Variants in LAMA3 observed in about 807,000 individuals in gnomAD.
LAMA3 encodes the protein laminin subunit alpha-3.
Under a neutral mutation model 402.0 loss-of-function variants are expected in LAMA3, and 281 were observed. The observed-to-expected ratio is 0.70, with a 90% CI of 0.63 to 0.77. The LOEUF (loss-of-function observed/expected upper bound fraction) is 0.77, where lower values mean the gene tolerates loss of function less well. Ranked by LOEUF, LAMA3 falls within the 30% of genes least tolerant of loss-of-function variation. LAMA3 has a pLI of 0.00. For synonymous variants in LAMA3, 1,431 were observed against 1,558.4 expected, an observed-to-expected ratio of 0.92 and a Z score of 1.93; for missense variants, 3,840 against 4,215.5, an observed-to-expected ratio of 0.91 and a Z score of 2.47.
At chr18:23,794,011 G>A (rs546628240) in intron 12 of LAMA3, among the ~76,000 whole-genome samples, 2 of 152,258 alleles carry the variant, frequency 1.3e-5, no homozygotes, top group South Asian at 4.1e-4. Context: ...CAAAGATACA[G>A]ATGAAGATAC....
At chr18:23,690,782 T>A (rs2060570848) in intron 1 of LAMA3, among the ~76,000 whole-genome samples, 1 of 151,372 alleles carries the variant, frequency 6.6e-6, no homozygotes, top group Non-Finnish European at 1.5e-5. Context: ...GGCAATTTTT[T>A]TTTTTTTTTT....
At chr18:23,775,765 T>A (rs375378464) in intron 9 of LAMA3, 27 bp from the exon 10 acceptor site, 183 of 1,613,824 alleles carry the variant, frequency 1.1e-4, no homozygotes, top group Admixed American at 3.3e-5. Flanking sequence ...GAAGGACGGA[T>A]CCTTTGAAAA....
At chr18:23,807,728 CATG>C (rs1255544172) in intron 12 of LAMA3, among the ~76,000 whole-genome samples, 2 of 152,168 alleles carry the variant, frequency 1.3e-5, no homozygotes, top group Admixed American at 6.5e-5. Flanking sequence ...GGACCACTCA[CATG>C]ATGGAAGATA....
At position 23,725,226 on chromosome 18, in the gene LAMA3, A is replaced by G. The variant is rs555569308; in HGVS notation, c.447+11154A>G. Among the ~76,000 whole-genome samples, 18 of 151,912 alleles carry G rather than the reference A, an allele frequency of 1.2e-4. No homozygotes were observed. The South Asian group carries it at 3.8e-3, about 32-fold the overall frequency. On this transcript the variant is annotated intron_variant, in intron 2 of 74. Coordinates refer to ENST00000313654, the MANE Select transcript of LAMA3 (RefSeq NM_198129.4). ...CCAGGTTCCAGTGATTCTCCTGCCAAAGCCTCCTGAGTAGCTAGGATTATA... is the reference window on the plus strand; with the variant it reads ...CCAGGTTCCAGTGATTCTCCTGCCAGAGCCTCCTGAGTAGCTAGGATTATA...
rs781633946 is a variant in LAMA3, at chr18:23,890,126, G to A, written c.5410+9G>A. The A allele has an allele frequency of 1.8e-5, 28 of 1,552,924 alleles. No homozygotes were observed. Among genetic ancestry groups the A allele is most frequent in the South Asian group, 1.3e-4 (12 of 89,934 alleles). On this transcript the variant is annotated intron_variant, in intron 42 of 74. Coordinates refer to ENST00000313654, the MANE Select transcript of LAMA3 (RefSeq NM_198129.4). The stretch of plus-strand genomic sequence containing the variant: ...TCATCCCCTGACTGGAGGTAAGGCC[G>A]ACCCACACCCCTGCTAACTTGCATT...
intron 2 of LAMA3, among the ~76,000 whole-genome samples, chr18:23,740,515 C>A (rs893053259): frequency 2.0e-5 from 3 of 151,970 alleles, no homozygotes; most frequent in Non-Finnish European, 2.9e-5. Flanking sequence ...TTCTCAGGCT[C>A]CTGTGGTTCT....
At chr18:23,756,838 C>G (rs1006272839) in intron 6 of LAMA3, among the ~76,000 whole-genome samples, 5 of 152,086 alleles carry the variant, frequency 3.3e-5, no homozygotes, top group African/African-American at 7.2e-5. Context: ...TGCACCCAGT[C>G]CTTCCCCAAC....
rs1453306817 is a variant in LAMA3, at chr18:23,723,803, A to G, written c.447+9731A>G. Among the ~76,000 whole-genome samples the G allele has an allele frequency of 2.6e-5, 4 of 152,306 alleles. No homozygotes were observed. The East Asian group carries it at 7.7e-4, about 29-fold the overall frequency. The stretch of plus-strand genomic sequence containing the variant: ...TCTTGTGAGAAATTAATCAGATAAT[A>G]CAGAAAAAGCTCTCAGAATAGTGCC... On this transcript the variant is annotated intron_variant, in intron 2 of 74. Transcript: ENST00000313654.
chr18:23,944,691 C>A lies in LAMA3; in HGVS notation c.9210+720C>A, dbSNP rs530316866. ...AAGAGGGAAGAGCAAATAACAAGGA[C>A]CTGGAGGTGGGAATTAGCTGAATGA... On this transcript the variant is annotated intron_variant, in intron 69 of 74. Transcript: ENST00000313654. Among the ~76,000 whole-genome samples the A allele has an allele frequency of 7.9e-5, 12 of 152,154 alleles. No individual in the cohort carries two copies. The South Asian group carries it at 2.1e-3, about 26-fold the overall frequency.
Position 23,876,365 on chromosome 18 carries a change from C to T in LAMA3, c.5070C>T (p.Asn1690=), listed in dbSNP as rs761464851. 9.3e-6 allele frequency: 15 copies of T among 1,613,786 alleles called. No individual in the cohort carries two copies. Among genetic ancestry groups the T allele is most frequent in the East Asian group, 6.7e-5 (3 of 44,900 alleles). The stretch of plus-strand genomic sequence containing the variant: ...GACGGTGTGTTCCCTGCAATTGCAA[C>T]GGACATTCAAATCAATGCCAGGATG... ...YTGRCVPCNC[N]GHSNQCQDGS... Residue 1690 remains asparagine, a synonymous_variant, in exon 39 of 75, where the codon AAC becomes AAT. Coordinates refer to ENST00000313654, the MANE Select transcript of LAMA3 (RefSeq NM_198129.4).
At chr18:23,949,964 A>T (rs1355131604) in intron 71 of LAMA3, 40 bp downstream of exon 71, 1 of 1,613,996 alleles carries the variant, frequency 6.2e-7, no homozygotes. Flanking sequence ...TTTGCATCTT[A>T]AGAACTGTAT....
At chr18:23,699,024 T>TAGAG (rs34691495) in intron 1 of LAMA3, among the ~76,000 whole-genome samples, 2,368 of 142,526 alleles carry the variant, frequency 0.017, 53 homozygotes, top group African/African-American at 0.05. Context: ...GGCGGGCAGA[T>TAGAG]AGAGAGAGAG....
chr18:23,880,807 G>A (rs1162194796), intron 39 of LAMA3, among the ~76,000 whole-genome samples: 3 of 152,130 alleles, frequency 2.0e-5, no homozygotes, highest in Non-Finnish European at 4.4e-5. Flanking sequence ...AACCCAGGAG[G>A]CAGAGGTTGC....
intron 54 of LAMA3, 65 bp from the exon 55 acceptor site, chr18:23,909,088 A>G: frequency 6.8e-7 from 1 of 1,480,324 alleles, no homozygotes; most frequent in Non-Finnish European, 9.4e-7. Flanking sequence ...TGTCAGTAAG[A>G]ACATTTGTAG....
At chr18:23,942,815 T>TA (rs1208292931) in intron 68 of LAMA3, among the ~76,000 whole-genome samples, 2 of 152,172 alleles carry the variant, frequency 1.3e-5, no homozygotes, top group African/African-American at 4.8e-5. Context: ...TGACCTCAGG[T>TA]GATCCACCCA....
At chr18:23,775,682 C>T (rs1247335418) in intron 9 of LAMA3, 110 bp from the exon 10 acceptor site, 61 of 1,246,312 alleles carry the variant, frequency 4.9e-5, no homozygotes, top group Non-Finnish European at 6.8e-5. Context: ...TTCAAGAATA[C>T]CTATAGACCA....
At chr18:23,889,873 T>C (rs2080592463) in intron 41 of LAMA3, 138 bp from the exon 42 acceptor site, 2 of 765,630 alleles carry the variant, frequency 2.6e-6, no homozygotes, top group Non-Finnish European at 2.4e-6. Context: ...TTGAGAAATA[T>C]TCATTCTTGC....
chr18:23,692,259 C>A (rs1278291380), intron 1 of LAMA3, among the ~76,000 whole-genome samples: 1 of 152,146 alleles, frequency 6.6e-6, no homozygotes, highest in East Asian at 1.9e-4. Flanking sequence ...AAAGGTATTA[C>A]GTTTTAATGT....
Position 23,901,270 on chromosome 18 carries a change from A to C in LAMA3, c.6148A>C (p.Lys2050Gln). 6.2e-7 allele frequency: 1 copy of C among 1,614,212 alleles called. No homozygotes were observed. Among genetic ancestry groups the C allele is most frequent in the Non-Finnish European group, 8.5e-7 (1 of 1,180,018 alleles). ...GCTGCAGGAGGCAGCTGCCCAAGCCAAGCAGGCAAATGGCTTGAACCAAGA... is the reference window on the plus strand; with the variant it reads ...GCTGCAGGAGGCAGCTGCCCAAGCCCAGCAGGCAAATGGCTTGAACCAAGA... ...ARLQEAAAQA[K>Q]QANGLNQENE... is the part of the protein sequence containing the mutation. The change falls in exon 48 of 75, where the codon AAG (lysine) becomes CAG (glutamine). Residue 2050 changes from lysine (K) to glutamine (Q), a missense_variant. Lys to Gln is a moderately conservative substitution (Grantham distance 53, BLOSUM62 1). Around this residue, in one of 3 missense-constraint regions of LAMA3, gnomAD observed 891 missense variants for 857.5 expected, o/e 1.04. Coordinates refer to ENST00000313654, the MANE Select transcript of LAMA3 (RefSeq NM_198129.4).
Sources: gnomAD v4.1 joint callset for allele counts (sites outside exome capture counted in the v4.1 genomes callset) on GRCh38, gnomAD v4.1.1 for gene constraint, gnomAD v4.1.1 regional missense constraint, MANE v1.5 for transcripts, NCBI Gene and HGNC (gene_info 2026-07-23, HGNC 2026-07-21) for gene names.